Variants in ACOXL observed in about 807,000 individuals in gnomAD.
ACOXL encodes acyl-coenzyme A oxidase-like protein.
ACOXL carries 70 observed loss-of-function variants against 71.9 expected under a neutral mutation model. The ratio of observed to expected loss-of-function variants is 0.97; its 90% CI spans 0.80 to 1.19. The LOEUF is 1.19. Ranked by LOEUF, ACOXL falls within the 50% of genes most tolerant of loss-of-function variation. The pLI is 0.00. For synonymous variants in ACOXL, 253 were observed against 281.6 expected, an observed-to-expected ratio of 0.90 and a Z score of 1.02; for missense variants, 703 against 736.3, an observed-to-expected ratio of 0.95 and a Z score of 0.52.
At chr2:110,983,943 G>A (rs766136701) in intron 12 of ACOXL, among the ~76,000 whole-genome samples, 3 of 152,136 alleles carry the variant, frequency 2.0e-5, no homozygotes, top group East Asian at 3.9e-4. Flanking sequence ...TCCGTCTCCC[G>A]GGTTCAAGTG....
intron 1 of ACOXL, among the ~76,000 whole-genome samples, chr2:110,747,935 T>C (rs553482096): frequency 1.3e-5 from 2 of 152,262 alleles, no homozygotes; most frequent in Admixed American, 1.3e-4. Context: ...GCCCCTCTTA[T>C]TGGCATCTGC....
At chr2:111,095,548 G>A (rs2068759868) in intron 17 of ACOXL, among the ~76,000 whole-genome samples, 1 of 151,860 alleles carries the variant, frequency 6.6e-6, no homozygotes, top group African/African-American at 2.4e-5. Flanking sequence ...CCGCCACCAT[G>A]CCTGACTAAT....
At chr2:111,019,321 AC>A (rs1226470527) in intron 14 of ACOXL, among the ~76,000 whole-genome samples, 3 of 152,232 alleles carry the variant, frequency 2.0e-5, no homozygotes, top group Non-Finnish European at 2.9e-5. Flanking sequence ...ATTTATTTAC[AC>A]ATCTGTTGTT....
intron 9 of ACOXL, among the ~76,000 whole-genome samples, chr2:110,829,030 T>G (rs1356117986): frequency 1.3e-5 from 2 of 152,178 alleles, no homozygotes; most frequent in Non-Finnish European, 2.9e-5. Context: ...AGTCTGGTCT[T>G]GAATTTCCGA....
intron 11 of ACOXL, among the ~76,000 whole-genome samples, chr2:110,909,254 G>T (rs2059567735): frequency 6.6e-6 from 1 of 152,118 alleles, no homozygotes; most frequent in Non-Finnish European, 1.5e-5. Flanking sequence ...TCTGATAAAG[G>T]TTCTAATTTA....
At chr2:110,836,006 A>G (rs1690417978) in intron 9 of ACOXL, among the ~76,000 whole-genome samples, 1 of 152,222 alleles carries the variant, frequency 6.6e-6, no homozygotes, top group Non-Finnish European at 1.5e-5. Context: ...TTGGCCACAA[A>G]GCTCACTGTT....
At chr2:110,738,192 A>G (rs1394566704) in intron 1 of ACOXL, among the ~76,000 whole-genome samples, 1 of 152,186 alleles carries the variant, frequency 6.6e-6, no homozygotes, top group South Asian at 2.1e-4. Flanking sequence ...AACATTCCCA[A>G]CTGCTTCAGC....
At chr2:111,056,774 C>G (rs1342039128) in intron 16 of ACOXL, among the ~76,000 whole-genome samples, 1 of 113,846 alleles carries the variant, frequency 8.8e-6, no homozygotes, top group East Asian at 2.5e-4. Context: ...GGTGACAGAG[C>G]AAGACTCTGT....
chr2:111,093,522 G>T, intron 17 of ACOXL: 1 of 1,613,986 alleles, frequency 6.2e-7, no homozygotes, highest in Admixed American at 1.7e-5. Flanking sequence ...ATAAGACTCA[G>T]TCTCCACATG....
chr2:111,053,092 C>T (rs773054911), intron 16 of ACOXL, among the ~76,000 whole-genome samples: 10 of 152,322 alleles, frequency 6.6e-5, no homozygotes, highest in Non-Finnish European at 8.8e-5. Flanking sequence ...CTAACGTCCT[C>T]TTCCAGTAAA....
chr2:110,983,209 C>G (rs1389922986), intron 12 of ACOXL, among the ~76,000 whole-genome samples: 1 of 152,182 alleles, frequency 6.6e-6, no homozygotes. Context: ...CTCTTTAATC[C>G]AAGTTTCACT....
In ACOXL at chr2:110,809,289, T is replaced by C. The variant is rs181760006; in HGVS notation, c.753+3894T>C. ...CACTGGGGTCGTGCTCACCTACACT[T>C]GGCAGTGTGGCCCTGGTGGTCTGGG... is the stretch of plus-strand genomic sequence containing the variant. On this transcript the variant is annotated intron_variant, in intron 9 of 17. Coordinates refer to ENST00000439055, the MANE Select transcript of ACOXL (RefSeq NM_001142807.4). Among the ~76,000 whole-genome samples, 170 of 152,346 alleles carry C rather than the reference T, an allele frequency of 1.1e-3. 1 individual carries two copies. Among genetic ancestry groups the C allele is most frequent in the Middle Eastern group, 3.4e-3 (1 of 294 alleles).
At chr2:110,920,598 A>T (rs1025214090) in intron 11 of ACOXL, among the ~76,000 whole-genome samples, 2 of 152,052 alleles carry the variant, frequency 1.3e-5, no homozygotes, top group African/African-American at 4.8e-5. Flanking sequence ...ACAGCTTTAA[A>T]TTTTGATTTG....
chr2:111,029,079 G>A (rs903668509), intron 14 of ACOXL, among the ~76,000 whole-genome samples: 3 of 152,192 alleles, frequency 2.0e-5, no homozygotes, highest in Non-Finnish European at 4.4e-5. Flanking sequence ...TACTTCCAGA[G>A]CTTCTGAAGA....
chr2:110,928,820 A>T (rs2060375596), intron 11 of ACOXL, among the ~76,000 whole-genome samples: 1 of 152,184 alleles, frequency 6.6e-6, no homozygotes, highest in African/African-American at 2.4e-5. Flanking sequence ...CATAGTGAAT[A>T]AGTCTCATGA....
At chr2:110,899,516 T>C (rs1443545212) in intron 10 of ACOXL, among the ~76,000 whole-genome samples, 1 of 152,060 alleles carries the variant, frequency 6.6e-6, no homozygotes, top group African/African-American at 2.4e-5. Flanking sequence ...CCAGAGAGGA[T>C]TGGCCCTCTT....
chr2:110,760,070 A>G lies in ACOXL; in HGVS notation c.-22-8298A>G, dbSNP rs190316098. Reference sequence around the variant, plus strand: ...TATCCTGCTAACTCTTATTTTTTGTAGTAGTTGTTAGTTGATTGTCTTGGG... The same window carrying G: ...TATCCTGCTAACTCTTATTTTTTGTGGTAGTTGTTAGTTGATTGTCTTGGG... On this transcript the variant is annotated intron_variant, in intron 1 of 17. Transcript: ENST00000439055. Among the ~76,000 whole-genome samples the G allele has an allele frequency of 4.7e-3, 712 of 151,322 alleles. 9 individuals are homozygous for G. The highest frequency in any genetic ancestry group is 0.017 in the African/African-American group (698 of 41,284).
At chr2:111,113,612 TA>T (rs1244159991) in intron 17 of ACOXL, among the ~76,000 whole-genome samples, 1 of 152,104 alleles carries the variant, frequency 6.6e-6, no homozygotes. Flanking sequence ...AAGGCTGGAG[TA>T]ACAAGCTATG....
At chr2:110,948,281 G>A (rs1404627661) in intron 12 of ACOXL, among the ~76,000 whole-genome samples, 4 of 152,192 alleles carry the variant, frequency 2.6e-5, no homozygotes, top group Non-Finnish European at 5.9e-5. Context: ...TCCGGGCAGC[G>A]ACTGAGCGAT....
Sources: allele counts gnomAD v4.1 joint callset (sites outside exome capture counted in the v4.1 genomes callset), GRCh38; gene constraint gnomAD v4.1.1; transcripts MANE v1.5; gene names NCBI Gene and HGNC (gene_info 2026-07-23, HGNC 2026-07-21).